Variants in DHX33 observed in about 807,000 individuals in gnomAD.
DHX33 encodes DEAH-box helicase 33.
Under a neutral mutation model 72.5 loss-of-function variants are expected in DHX33, and 42 were observed. That is an observed-to-expected ratio of 0.58 (90% CI 0.45 to 0.75). The LOEUF (loss-of-function observed/expected upper bound fraction) is 0.75, where lower values mean the gene tolerates loss of function less well. Ranked by LOEUF, DHX33 falls within the 30% of genes least tolerant of loss-of-function variation. DHX33 has a pLI of 0.00. For synonymous variants in DHX33, 358 were observed against 366.1 expected (o/e 0.98, Z 0.25); for missense variants, 842 against 917.5 (o/e 0.92, Z 1.06).
At chr17:5,447,480 C>T (rs556224343) in intron 11 of DHX33, among the ~76,000 whole-genome samples, 175 of 152,116 alleles carry the variant, frequency 1.2e-3, no homozygotes, top group African/African-American at 4.0e-3. Context: ...AAATATTAGC[C>T]GGGTGTGGTG....
chr17:5,445,235 C>T (rs545378462), intron 11 of DHX33, among the ~76,000 whole-genome samples: 16 of 152,308 alleles, frequency 1.1e-4, no homozygotes, highest in Non-Finnish European at 2.1e-4. Flanking sequence ...CCTGCCACCA[C>T]GCCTGGCTAA....
At position 5,441,592 on chromosome 17, in the gene DHX33, A is replaced by G. The variant is rs1916440049; in HGVS notation, c.*2613T>C. ...AAAGTGTACTATCTCCTGCAGCTCA[A>G]TATAAACAACGATGTATTTCTTTGT... is the stretch of plus-strand genomic sequence containing the variant. On this transcript the variant is annotated 3_prime_UTR_variant, in exon 12 of 12. Transcript: ENST00000225296. 1 of 152,236 alleles carries G rather than the reference A, an allele frequency of 6.6e-6. No homozygotes were observed. Among genetic ancestry groups the G allele is most frequent in the Non-Finnish European group, 1.5e-5 (1 of 68,040 alleles). The allele number at this position is 152,236 out of a possible 1,614,324, so 9.4% of individuals were successfully genotyped here.
At position 5,461,057 on chromosome 17, in the gene DHX33, T is replaced by A. The variant is rs766813867; in HGVS notation, c.731A>T (p.Asn244Ile). Reference sequence around the variant, plus strand: ...CTCTAGGTAGAGGACGGGGGCGCCATTGAAATACTGAGAGAACAGGTCCAC... The same window carrying A: ...CTCTAGGTAGAGGACGGGGGCGCCAATGAAATACTGAGAGAACAGGTCCAC... ...MDVDLFSQYF[N>I]GAPVLYLEGR... Residue 244 changes from asparagine to isoleucine, a missense_variant, in exon 4 of 12, where the codon AAT becomes ATT. Asn to Ile is a moderately radical substitution (Grantham distance 149). Coordinates refer to ENST00000225296, the MANE Select transcript of DHX33 (RefSeq NM_020162.4). 1 of 1,613,750 alleles carries A rather than the reference T, an allele frequency of 6.2e-7. No homozygotes were observed. The highest frequency in any genetic ancestry group is 8.5e-7 in the Non-Finnish European group (1 of 1,179,858).
rs111888017 is a variant in DHX33, at chr17:5,453,547, C to A, written c.1396+33G>T. 151 of 1,582,272 alleles carry A rather than the reference C, an allele frequency of 9.5e-5. 1 individual carries two copies. In the African/African-American group the frequency reaches 1.6e-3, roughly 17 times the overall value. On this transcript the variant is annotated intron_variant, in intron 8 of 11. Coordinates refer to ENST00000225296, the MANE Select transcript of DHX33 (RefSeq NM_020162.4). ...CCATTTGTTGTTGTTTGTCTCCTCA[C>A]CCACCTTCTGCAAAACTGTGGATTT...
At chr17:5,460,714 C>T (rs1904557016) in intron 4 of DHX33, among the ~76,000 whole-genome samples, 1 of 151,710 alleles carries the variant, frequency 6.6e-6, no homozygotes, top group Non-Finnish European at 1.5e-5. Flanking sequence ...ACCATGTTGG[C>T]CAGGCTGGTC....
chr17:5,468,765 A>G lies in DHX33; in HGVS notation c.95T>C (p.Val32Ala). 2.5e-6 allele frequency: 4 copies of G among 1,610,148 alleles called. No individual in the cohort carries two copies. The highest frequency in any genetic ancestry group is 3.4e-6 in the Non-Finnish European group (4 of 1,178,644). ...GCTGCCCGCAGTCAGCAGCATCACC[A>G]CTTGCCTCCCGGGAGGGAAGGACCC... is the stretch of plus-strand genomic sequence containing the variant. ...RAGSFPPGRQ[V>A]VMLLTAGSGG... The change falls in exon 1 of 12, where the codon GTG becomes GCG. Residue 32 changes from valine (V) to alanine (A), a missense_variant. By Grantham distance (64) the Val-to-Ala change is moderately conservative (BLOSUM62 0). Coordinates refer to ENST00000225296, the MANE Select transcript of DHX33 (RefSeq NM_020162.4).
chr17:5,455,025 G>T, intron 6 of DHX33, 135 bp downstream of exon 6: 1 of 751,902 alleles, frequency 1.3e-6, no homozygotes, highest in Non-Finnish European at 2.3e-6. Flanking sequence ...GAGTGTAGGT[G>T]ATCTCACTCA....
chr17:5,461,771 T>C (rs180840858), intron 3 of DHX33, among the ~76,000 whole-genome samples: 1 of 141,320 alleles, frequency 7.1e-6, no homozygotes, highest in Non-Finnish European at 1.6e-5. Flanking sequence ...CTGGTCTCGA[T>C]CTCCTGACCT....
In DHX33 at chr17:5,443,995, T is replaced by G; in HGVS notation, c.*210A>C. The G allele has an allele frequency of 1.9e-6, 1 of 524,706 alleles. No homozygotes were observed. The highest frequency in any genetic ancestry group is 3.2e-6 in the Non-Finnish European group (1 of 307,944). 32.5% of individuals were successfully genotyped at this position (524,706 alleles called of 1,614,324 possible). On this transcript the variant is annotated 3_prime_UTR_variant, in exon 12 of 12. Coordinates refer to ENST00000225296, the MANE Select transcript of DHX33 (RefSeq NM_020162.4). ...AGTCACCCAGTAAGAACCAAAAGCATAATTTTGAGGTTTCCAGGTACAAAT... is the reference window on the plus strand; with the variant it reads ...AGTCACCCAGTAAGAACCAAAAGCAGAATTTTGAGGTTTCCAGGTACAAAT...
At position 5,461,020 on chromosome 17, in the gene DHX33, A is replaced by G. The variant is rs1357425225; in HGVS notation, c.768T>C (p.His256=). Residue 256 remains histidine, a synonymous_variant, in exon 4 of 12, where the codon CAT becomes CAC. Coordinates refer to ENST00000225296, the MANE Select transcript of DHX33 (RefSeq NM_020162.4). ...GTTTGGTGTAAAACACCTGGATCGGATGCTGCCGACCCTCTAGGTAGAGGA... is the reference window on the plus strand; with the variant it reads ...GTTTGGTGTAAAACACCTGGATCGGGTGCTGCCGACCCTCTAGGTAGAGGA... The part of the protein sequence containing the change: ...APVLYLEGRQ[H]PIQVFYTKQP... 1 of 1,614,068 alleles carries G rather than the reference A, an allele frequency of 6.2e-7. No homozygotes were observed. The highest frequency in any genetic ancestry group is 8.5e-7 in the Non-Finnish European group (1 of 1,179,986).
chr17:5,463,691 T>C lies in DHX33; in HGVS notation c.290-2A>G. ...TTGTCTTCCCAGAGCCAGTTTCCCC[T>C]AGGAGAGAGGGGGAAAAAAAAAAAA... On this transcript the variant is annotated splice_acceptor_variant, in intron 1 of 11. Coordinates refer to ENST00000225296, the MANE Select transcript of DHX33 (RefSeq NM_020162.4). LOFTEE classifies it high-confidence loss of function. The C allele has an allele frequency of 2.5e-6, 4 of 1,577,792 alleles. No homozygotes were observed. The highest frequency in any genetic ancestry group is 3.4e-6 in the Non-Finnish European group (4 of 1,167,214).
At position 5,468,618 on chromosome 17, in the gene DHX33, C is replaced by CT; in HGVS notation, c.241_242insA (p.Gly81GlufsTer33). The CT allele has an allele frequency of 6.2e-7, 1 of 1,610,654 alleles. No individual in the cohort carries two copies. Among genetic ancestry groups the CT allele is most frequent in the Non-Finnish European group, 8.5e-7 (1 of 1,179,124 alleles). On this transcript the variant is annotated frameshift_variant, in exon 1 of 12. Coordinates refer to ENST00000225296, the MANE Select transcript of DHX33 (RefSeq NM_020162.4). LOFTEE classifies it high-confidence loss of function. ...GTTTCGGAGCTGGGCCAACAGTTGC[C>CT]CCCGCGCTTGGAAGATGGGCAGACT... is the stretch of plus-strand genomic sequence containing the variant.
intron 8 of DHX33, among the ~76,000 whole-genome samples, chr17:5,452,783 T>C (rs568281934): frequency 1.3e-5 from 2 of 152,286 alleles, no homozygotes; most frequent in South Asian, 2.1e-4. Flanking sequence ...TATGCATACA[T>C]TTGCTCTAGA....
At chr17:5,455,968 G>A (rs753829485) in intron 5 of DHX33, 29 bp downstream of exon 5, 1 of 1,601,070 alleles carries the variant, frequency 6.2e-7, no homozygotes, top group Non-Finnish European at 8.5e-7. Flanking sequence ...GCCCAGAATA[G>A]GGCTGGACAG....
chr17:5,462,613 G>A, intron 2 of DHX33, 67 bp from the exon 3 acceptor site: 1 of 1,217,154 alleles, frequency 8.2e-7, no homozygotes, highest in Non-Finnish European at 1.2e-6. Flanking sequence ...CCGGCACTAA[G>A]TTGGGCACTT....
At chr17:5,452,569 C>A (rs1041832582) in intron 8 of DHX33, among the ~76,000 whole-genome samples, 6 of 150,792 alleles carry the variant, frequency 4.0e-5, no homozygotes, top group African/African-American at 1.5e-4. Context: ...AAACATACTA[C>A]AGCAGGGGCT....
At chr17:5,448,078 C>T (rs1027182566) in intron 11 of DHX33, among the ~76,000 whole-genome samples, 7 of 152,172 alleles carry the variant, frequency 4.6e-5, no homozygotes, top group African/African-American at 1.2e-4. Context: ...ACTCGGGAGG[C>T]TGAGGCAGGA....
In DHX33 at chr17:5,445,695, G is replaced by T. The variant is rs182355552; in HGVS notation, c.1816-1182C>A. ...TGGAAAACTTGTCAATCTCTGCTGG[G>T]CTCTTGAGTGGAGGGGCCATGCAGA... On this transcript the variant is annotated intron_variant, in intron 11 of 11. Transcript: ENST00000225296. Among the ~76,000 whole-genome samples, 259 of 152,336 alleles carry T rather than the reference G, an allele frequency of 1.7e-3. 3 individuals carry two copies. The highest frequency in any genetic ancestry group is 5.8e-3 in the African/African-American group (240 of 41,568).
In DHX33 at chr17:5,468,818, C is replaced by A. The variant is rs1195069192; in HGVS notation, c.42G>T (p.Arg14=). Residue 14 remains arginine (R), a synonymous_variant, in exon 1 of 12, where the codon CGG becomes CGT. Coordinates refer to ENST00000225296, the MANE Select transcript of DHX33 (RefSeq NM_020162.4). ...CGCGGCTCGGAGGTCCAGAGCCTGG[C>A]CGGAATCTCTTGGCCGGCGGGAAGC... ...EAGFPPAKRF[R]PGSGPPSRAG... is the part of the protein sequence containing the mutation. 1 of 1,582,312 alleles carries A rather than the reference C, an allele frequency of 6.3e-7. No homozygotes were observed.
Sources: allele counts gnomAD v4.1 joint callset (sites outside exome capture counted in the v4.1 genomes callset), GRCh38; gene constraint gnomAD v4.1.1; transcripts MANE v1.5; gene names NCBI Gene and HGNC (gene_info 2026-07-23, HGNC 2026-07-21).